The following BIN1 variants were observed in gnomAD, a reference collection of about 807,000 sequenced individuals.
BIN1 encodes bridging integrator 1.
Under a neutral mutation model 82.0 loss-of-function variants are expected in BIN1, and 53 were observed. The observed-to-expected ratio is 0.65, with a 90% CI of 0.52 to 0.81. BIN1 has a LOEUF of 0.81. BIN1 is among the 40% of genes least tolerant of loss of function. The pLI, the probability that BIN1 is intolerant of heterozygous loss-of-function variation, is 0.00. For synonymous variants in BIN1, 302 were observed against 328.0 expected (o/e 0.92, Z 0.86); for missense variants, 642 against 784.4 (o/e 0.82, Z 2.17).
At chr2:127,081,819 A>AAAG (rs1687325694) in intron 1 of BIN1, 2 of 1,287,716 alleles carry the variant, frequency 1.6e-6, no homozygotes, top group Non-Finnish European at 1.0e-6. Flanking sequence ...CAGAAAACGC[A>AAAG]TAAGGCCCTC....
chr2:127,088,261 G>A (rs1040256321), intron 1 of BIN1, among the ~76,000 whole-genome samples: 4 of 152,210 alleles, frequency 2.6e-5, no homozygotes, highest in Admixed American at 2.0e-4. Context: ...ACCCAAAAAC[G>A]AAGGTGGCTT....
chr2:127,050,790 C>CTG lies in BIN1; in HGVS notation c.1572+10_1572+11dup, dbSNP rs774704128. On this transcript the variant is annotated intron_variant, in intron 17 of 18. Coordinates refer to ENST00000316724, the MANE Select transcript of BIN1 (RefSeq NM_139343.3). ...ACCGAGGGACTGCAGCAGTCAGAGG[C>CTG]TGTGGGCTCACCTTGAACATGAAAC... 4 of 1,612,786 alleles carry CTG rather than the reference C, an allele frequency of 2.5e-6. No individual in the cohort carries two copies. The South Asian group carries it at 4.4e-5, about 18-fold the overall frequency.
intron 1 of BIN1, among the ~76,000 whole-genome samples, chr2:127,097,212 G>A (rs1354765004): frequency 6.6e-6 from 1 of 152,204 alleles, no homozygotes; most frequent in Non-Finnish European, 1.5e-5. Context: ...ACAGGGCCGT[G>A]CATACAGGGG....
chr2:127,085,174 C>T (rs895559201), intron 1 of BIN1, among the ~76,000 whole-genome samples: 1 of 152,168 alleles, frequency 6.6e-6, no homozygotes, highest in African/African-American at 2.4e-5. Context: ...GGGCCCCTTG[C>T]AGCAGCCCCA....
At chr2:127,062,066 C>A in intron 10 of BIN1, 49 bp downstream of exon 10, 1 of 1,550,232 alleles carries the variant, frequency 6.5e-7, no homozygotes. Flanking sequence ...AGGAGCCCTG[C>A]CCCTGCCGTG....
In BIN1 at chr2:127,068,027, C is replaced by T. The variant is rs1685365907; in HGVS notation, c.612+136G>A. On this transcript the variant is annotated intron_variant, in intron 7 of 18. Transcript: ENST00000316724. This position sits in a 1 kb window ranked among gnomAD's most constrained non-coding sequence, Gnocchi z 4.9. Reference sequence around the variant, plus strand: ...ACTTCAGGTCTCCTCTGAAGCAGAGCTCTCCCAGCAGAGGCCTTTGAAAAA... The same window carrying T: ...ACTTCAGGTCTCCTCTGAAGCAGAGTTCTCCCAGCAGAGGCCTTTGAAAAA... The T allele has an allele frequency of 1.1e-6, 1 of 879,390 alleles. No homozygotes were observed. The highest frequency in any genetic ancestry group is 1.8e-6 in the Non-Finnish European group (1 of 546,374). 54.5% of individuals were successfully genotyped at this position (879,390 alleles called of 1,614,324 possible).
intron 1 of BIN1, among the ~76,000 whole-genome samples, chr2:127,091,921 T>C (rs1305889223): frequency 6.6e-6 from 1 of 151,852 alleles, no homozygotes; most frequent in Non-Finnish European, 1.5e-5. Context: ...GAATAGGGGC[T>C]GGTGGGTGGG....
At chr2:127,092,077 C>A (rs1369421368) in intron 1 of BIN1, among the ~76,000 whole-genome samples, 3 of 151,922 alleles carry the variant, frequency 2.0e-5, no homozygotes, top group African/African-American at 7.3e-5. Flanking sequence ...CCGCCTGGCC[C>A]CTACCCCACA....
chr2:127,058,986 C>A, intron 11 of BIN1, 25 bp downstream of exon 11: 1 of 1,553,386 alleles, frequency 6.4e-7, no homozygotes, highest in African/African-American at 1.4e-5. Flanking sequence ...GGGCAGGGGA[C>A]CTGCTACCAA....
At chr2:127,052,104 G>A (rs947350542) in intron 15 of BIN1, 151 bp downstream of exon 15, 38 of 895,488 alleles carry the variant, frequency 4.2e-5, no homozygotes, top group Middle Eastern at 3.1e-4. Flanking sequence ...TGACAAGCCC[G>A]TGCTGGGGCA....
In BIN1 at chr2:127,065,145, C is replaced by G. The variant is rs188750658; in HGVS notation, c.613-1127G>C. 1.7e-3 allele frequency among the ~76,000 whole-genome samples: 259 copies of G among 152,384 alleles called. 2 individuals are homozygous for G. Among genetic ancestry groups the G allele is most frequent in the Non-Finnish European group, 2.7e-3 (187 of 68,034 alleles). ...TCCCATCCAGCCTCAGACACCAGGACTAGCCCAGGTCAGCCCCTAGGCCCA... is the reference window on the plus strand; with the variant it reads ...TCCCATCCAGCCTCAGACACCAGGAGTAGCCCAGGTCAGCCCCTAGGCCCA... On this transcript the variant is annotated intron_variant, in intron 7 of 18. Coordinates refer to ENST00000316724, the MANE Select transcript of BIN1 (RefSeq NM_139343.3).
At chr2:127,052,601 T>G (rs1683108023) in intron 14 of BIN1, 1 of 561,390 alleles carries the variant, frequency 1.8e-6, no homozygotes, top group African/African-American at 1.9e-5. Context: ...GAAATCCACT[T>G]GTCAAAATGG....
intron 8 of BIN1, 109 bp from the exon 9 acceptor site, chr2:127,063,755 G>C: frequency 7.0e-7 from 1 of 1,421,444 alleles, no homozygotes. Flanking sequence ...GCACAAACCA[G>C]AGAGGGCCCA....
intron 1 of BIN1, among the ~76,000 whole-genome samples, chr2:127,088,462 G>T (rs1678470706): frequency 6.6e-6 from 1 of 152,176 alleles, no homozygotes; most frequent in South Asian, 2.1e-4. Context: ...GGGGACGGGT[G>T]CGGTGGCTCA....
At chr2:127,066,475 C>CA (rs1024606091) in intron 7 of BIN1, among the ~76,000 whole-genome samples, 1 of 152,106 alleles carries the variant, frequency 6.6e-6, no homozygotes, top group East Asian at 1.9e-4. Flanking sequence ...CTCCCATCCA[C>CA]AAAAAAATGT....
At position 127,068,792 on chromosome 2, in the gene BIN1, C is replaced by T; in HGVS notation, c.519+132G>A. On this transcript the variant is annotated intron_variant, in intron 6 of 18. Coordinates refer to ENST00000316724, the MANE Select transcript of BIN1 (RefSeq NM_139343.3). This position sits in a 1 kb window ranked among gnomAD's most constrained non-coding sequence, Gnocchi z 4.9. ...AGGGCCTCTCACTCACCGGCCTGGGCCCTGTATCGTCCCCACCCCCAGTTC... is the reference window on the plus strand; with the variant it reads ...AGGGCCTCTCACTCACCGGCCTGGGTCCTGTATCGTCCCCACCCCCAGTTC... 1 of 860,544 alleles carries T rather than the reference C, an allele frequency of 1.2e-6. No individual in the cohort carries two copies. Among genetic ancestry groups the T allele is most frequent in the Non-Finnish European group, 1.9e-6 (1 of 526,518 alleles). 53.3% of individuals were successfully genotyped at this position (860,544 alleles called of 1,614,324 possible). A position where few individuals can be genotyped will look rare whatever the true frequency, so the allele number is the denominator to read the frequency against.
intron 7 of BIN1, among the ~76,000 whole-genome samples, chr2:127,066,374 C>T (rs1027302921): frequency 6.6e-6 from 1 of 152,186 alleles, no homozygotes; most frequent in African/African-American, 2.4e-5. Context: ...CCAGGGTGGG[C>T]GTGGAGGCAG....
intron 11 of BIN1, among the ~76,000 whole-genome samples, chr2:127,058,482 G>A (rs764996235): frequency 6.6e-6 from 1 of 152,148 alleles, no homozygotes; most frequent in Non-Finnish European, 1.5e-5. Context: ...GGGCAGGCGG[G>A]GTGGAGACAA....
At chr2:127,065,378 C>G (rs1685024994) in intron 7 of BIN1, among the ~76,000 whole-genome samples, 1 of 152,194 alleles carries the variant, frequency 6.6e-6, no homozygotes, top group South Asian at 2.1e-4. Flanking sequence ...CACCCCACAC[C>G]AGGAGGGGAA....
Sources: gnomAD v4.1 joint callset for allele counts (sites outside exome capture counted in the v4.1 genomes callset) on GRCh38, gnomAD v4.1.1 for gene constraint, Gnocchi (gnomAD v3.1) non-coding constraint, MANE v1.5 for transcripts, NCBI Gene and HGNC (gene_info 2026-07-23, HGNC 2026-07-21) for gene names.